ATP8A2: variants seen among roughly 807,000 people sequenced by gnomAD.
ATP8A2 encodes the protein ATPase phospholipid transporting 8A2, also known as phospholipid-transporting ATPase IB.
Under a neutral mutation model 165.6 loss-of-function variants are expected in ATP8A2, and 100 were observed. The observed-to-expected ratio is 0.60, with a 90% CI of 0.51 to 0.71. The LOEUF (loss-of-function observed/expected upper bound fraction) is 0.71. ATP8A2 is among the 30% of genes least tolerant of loss of function. The pLI, the probability that ATP8A2 is intolerant of heterozygous loss-of-function variation, is 0.00. For missense variants in ATP8A2, 1,227 were observed against 1,479.5 expected (o/e 0.83, Z 2.80); for synonymous variants, 543 against 548.8 (o/e 0.99, Z 0.15).
intron 1 of ATP8A2, among the ~76,000 whole-genome samples, chr13:25,431,664 C>T (rs1247862191): frequency 1.3e-5 from 2 of 152,176 alleles, no homozygotes; most frequent in South Asian, 2.1e-4. Context: ...AGTTGCTTCT[C>T]TGTAAAGTGT....
chr13:25,467,589 C>T (rs1408355985), intron 1 of ATP8A2, among the ~76,000 whole-genome samples: 1 of 147,212 alleles, frequency 6.8e-6, no homozygotes, highest in East Asian at 2.0e-4. Flanking sequence ...GTCTCCTTGT[C>T]GCCCAGGCTG....
chr13:25,589,411 T>C (rs933484843), intron 23 of ATP8A2, among the ~76,000 whole-genome samples: 3 of 152,236 alleles, frequency 2.0e-5, no homozygotes, highest in African/African-American at 4.8e-5. Flanking sequence ...CACTAAAAAT[T>C]GGGAAGTATT....
At chr13:25,550,396 C>T (rs1157154120) in intron 10 of ATP8A2, among the ~76,000 whole-genome samples, 2 of 152,124 alleles carry the variant, frequency 1.3e-5, no homozygotes, top group Non-Finnish European at 2.9e-5. Context: ...AGTTTGCCCA[C>T]CATAAGTACC....
chr13:25,550,600 C>A (rs572091897), intron 10 of ATP8A2, among the ~76,000 whole-genome samples: 1 of 152,180 alleles, frequency 6.6e-6, no homozygotes, highest in East Asian at 1.9e-4. Context: ...GGGCTGGTTT[C>A]CCCCCAGCAG....
intron 2 of ATP8A2, among the ~76,000 whole-genome samples, chr13:25,496,411 G>T (rs2036680562): frequency 1.3e-5 from 2 of 152,070 alleles, no homozygotes; most frequent in Non-Finnish European, 2.9e-5. Context: ...GAAGAGGAGA[G>T]AATACTTTTT....
intron 1 of ATP8A2, among the ~76,000 whole-genome samples, chr13:25,431,678 C>G (rs1329340759): frequency 6.6e-6 from 1 of 151,994 alleles, no homozygotes; most frequent in Non-Finnish European, 1.5e-5. Context: ...AAAGTGTGGG[C>G]TTGTATTATT....
chr13:25,658,004 T>A (rs956386630), intron 24 of ATP8A2, among the ~76,000 whole-genome samples: 46 of 152,314 alleles, frequency 3.0e-4, no homozygotes, highest in African/African-American at 9.9e-4. Context: ...TTCTAAAGAA[T>A]TTCAGTTTTA....
At chr13:26,002,393 C>T (rs1355937796) in intron 35 of ATP8A2, among the ~76,000 whole-genome samples, 1 of 149,218 alleles carries the variant, frequency 6.7e-6, no homozygotes, top group African/African-American at 2.5e-5. Flanking sequence ...GGTGGGGGAA[C>T]ATCACACACC....
At position 25,889,809 on chromosome 13, in the gene ATP8A2, G is replaced by A. The variant is rs192975478; in HGVS notation, c.3183+27401G>A. Among the ~76,000 whole-genome samples, 25 of 151,828 alleles carry A rather than the reference G, an allele frequency of 1.6e-4. No individual in the cohort carries two copies. The East Asian group carries it at 4.3e-3, about 26-fold the overall frequency. On this transcript the variant is annotated intron_variant, in intron 33 of 36. Coordinates refer to ENST00000381655, the MANE Select transcript of ATP8A2 (RefSeq NM_016529.6). ...CATGGCCCATTCCTTAAATGTAATT[G>A]GTCTGAAGGTTTTTTTTCCTCAGAT...
intron 25 of ATP8A2, among the ~76,000 whole-genome samples, chr13:25,741,272 T>G (rs1016074111): frequency 6.6e-6 from 1 of 152,216 alleles, no homozygotes; most frequent in Non-Finnish European, 1.5e-5. Flanking sequence ...TCTTAAGACA[T>G]CGGGACTGAT....
intron 33 of ATP8A2, among the ~76,000 whole-genome samples, chr13:25,887,288 T>A (rs755481882): frequency 2.0e-5 from 3 of 152,192 alleles, no homozygotes; most frequent in South Asian, 2.1e-4. Context: ...ATAAAAAGTT[T>A]ACACTAAAGG....
chr13:25,934,548 C>T (rs1347395148), intron 33 of ATP8A2, among the ~76,000 whole-genome samples: 1 of 152,192 alleles, frequency 6.6e-6, no homozygotes, highest in African/African-American at 2.4e-5. Flanking sequence ...CCTCATCTAC[C>T]AAATGAAGGA....
chr13:25,608,668 G>A (rs1159526587), intron 24 of ATP8A2, among the ~76,000 whole-genome samples: 1 of 152,194 alleles, frequency 6.6e-6, no homozygotes, highest in African/African-American at 2.4e-5. Context: ...GAAAGCAGCT[G>A]CAGATGACAC....
intron 25 of ATP8A2, among the ~76,000 whole-genome samples, chr13:25,744,304 A>G (rs2043979965): frequency 6.6e-6 from 1 of 151,660 alleles, no homozygotes; most frequent in Non-Finnish European, 1.5e-5. Flanking sequence ...ATGCCTGCAC[A>G]TGGCATCTGG....
intron 33 of ATP8A2, among the ~76,000 whole-genome samples, chr13:25,880,677 C>G (rs1164960710): frequency 2.6e-5 from 4 of 152,084 alleles, no homozygotes. Flanking sequence ...TTTTTCCATT[C>G]CCAGGAGCTA....
At chr13:25,883,113 G>T (rs1206641372) in intron 33 of ATP8A2, among the ~76,000 whole-genome samples, 1 of 152,146 alleles carries the variant, frequency 6.6e-6, no homozygotes, top group African/African-American at 2.4e-5. Flanking sequence ...CAGGAGTGGG[G>T]CTGGGCTCTG....
At chr13:25,851,272 A>G (rs1200114507) in intron 30 of ATP8A2, among the ~76,000 whole-genome samples, 1 of 152,226 alleles carries the variant, frequency 6.6e-6, no homozygotes, top group Non-Finnish European at 1.5e-5. Context: ...ATTCACTGTC[A>G]TGACAAGTTA....
intron 30 of ATP8A2, among the ~76,000 whole-genome samples, chr13:25,842,263 G>A (rs75294418): frequency 0.01 from 1,585 of 152,280 alleles, 29 homozygotes; most frequent in African/African-American, 0.034. Flanking sequence ...GAAGAATCAA[G>A]CAAAGTGGGG....
intron 34 of ATP8A2, among the ~76,000 whole-genome samples, chr13:25,967,955 G>A (rs908529191): frequency 6.6e-6 from 1 of 152,210 alleles, no homozygotes; most frequent in Non-Finnish European, 1.5e-5. Flanking sequence ...TGAGGCCTGC[G>A]TGTGTGGACT....
Sources: gnomAD v4.1 joint callset for allele counts (sites outside exome capture counted in the v4.1 genomes callset) on GRCh38, gnomAD v4.1.1 for gene constraint, MANE v1.5 for transcripts, NCBI Gene and HGNC (gene_info 2026-07-23, HGNC 2026-07-21) for gene names.